Variants in EVC2 observed in about 807,000 individuals in gnomAD.
EVC2 encodes limbin.
A neutral mutation model predicts 149.3 loss-of-function variants in EVC2; 148 were observed. The ratio of observed to expected loss-of-function variants is 0.99; its 90% CI spans 0.87 to 1.14. The LOEUF is 1.14. EVC2 is among the 50% of genes most tolerant of loss of function. The pLI is 0.00. For synonymous variants in EVC2, 776 were observed against 649.9 expected, an observed-to-expected ratio of 1.19 and a Z score of -2.95; for missense variants, 1,854 against 1,627.3, an observed-to-expected ratio of 1.14 and a Z score of -2.40.
rs1307122106 is a variant in EVC2 at position 5,633,400 on chromosome 4, C to T, written c.1471-1368G>A. On this transcript the variant is annotated intron_variant, in intron 10 of 21. Coordinates refer to ENST00000344408, the MANE Select transcript of EVC2 (RefSeq NM_147127.5). The surrounding 1 kb of genome is among the most constrained non-coding windows in gnomAD (Gnocchi z 4.4). ...TCACTAATGTGTGTGGTTGCTTAGG[C>T]AGGAATAGAAAACTGACACCCTCCG... 6.6e-6 allele frequency among the ~76,000 whole-genome samples: 1 copy of T among 152,172 alleles called. No individual in the cohort carries two copies. The highest frequency in any genetic ancestry group is 6.5e-5 in the Admixed American group (1 of 15,272).
intron 9 of EVC2, among the ~76,000 whole-genome samples, chr4:5,648,975 T>C (rs1717918937): frequency 6.6e-6 from 1 of 152,240 alleles, no homozygotes; most frequent in South Asian, 2.1e-4. Context: ...TCAGGTCCAC[T>C]GGTGAAGACT....
intron 9 of EVC2, among the ~76,000 whole-genome samples, chr4:5,652,018 T>C (rs1718178396): frequency 6.6e-6 from 1 of 152,036 alleles, no homozygotes; most frequent in African/African-American, 2.4e-5. Flanking sequence ...CAGGCCATGG[T>C]GGGGATTTGA....
chr4:5,604,041 G>A (rs1714197315), intron 16 of EVC2, among the ~76,000 whole-genome samples: 1 of 152,170 alleles, frequency 6.6e-6, no homozygotes, highest in African/African-American at 2.4e-5. Context: ...CCTTGGATAA[G>A]CCTCTCACTC....
chr4:5,544,956 C>T lies in EVC2; in HGVS notation c.3420-1744G>A, dbSNP rs572981584. On this transcript the variant is annotated intron_variant and NMD_transcript_variant, in intron 21 of 22. Transcript: ENST00000475313. ...CAGTAAAATCCCTACAGCACTGGCA[C>T]TGCACCTCAAGCCTGAGCACATGCT... 1.3e-4 allele frequency among the ~76,000 whole-genome samples: 20 copies of T among 152,358 alleles called. No individual in the cohort carries two copies. The South Asian group carries it at 4.1e-3, about 32-fold the overall frequency.
intron 21 of EVC2, among the ~76,000 whole-genome samples, chr4:5,550,901 C>T (rs1721723638): frequency 6.6e-6 from 1 of 152,260 alleles, no homozygotes; most frequent in Admixed American, 6.5e-5. Flanking sequence ...GCTGTGGCTT[C>T]AGAGGATGCA....
chr4:5,691,452 T>C (rs1479250765), intron 3 of EVC2, 119 bp from the exon 4 acceptor site: 2 of 752,840 alleles, frequency 2.7e-6, no homozygotes, highest in Non-Finnish European at 4.5e-6. Context: ...CTACTAATCC[T>C]TAAGTAATCT....
intron 17 of EVC2, among the ~76,000 whole-genome samples, chr4:5,582,890 T>C (rs1711928731): frequency 6.6e-6 from 1 of 152,204 alleles, no homozygotes; most frequent in South Asian, 2.1e-4. Context: ...CCTCCTGCTC[T>C]GGCTATGTAA....
Position 5,663,153 on chromosome 4 carries a change from TGTCTATCATTTG to T in EVC2, c.1087_1098del (p.Gln363_Asp366del), listed in dbSNP as rs1553846622. On this transcript the variant is annotated inframe_deletion, in exon 9 of 22. Coordinates refer to ENST00000344408, the MANE Select transcript of EVC2 (RefSeq NM_147127.5). The stretch of plus-strand genomic sequence containing the variant: ...CTCCCAGGGTCCTCGGAAGACAGAA[TGTCTATCATTTG>T]GTCGTTAAGGGAAAGGTCCTCATTC... The T allele has an allele frequency of 6.2e-7, 1 of 1,614,224 alleles. No individual in the cohort carries two copies. Among genetic ancestry groups the T allele is most frequent in the East Asian group, 2.2e-5 (1 of 44,888 alleles).
At chr4:5,704,869 C>CTATATATATATA (rs145021587) in intron 1 of EVC2, among the ~76,000 whole-genome samples, 13 of 149,928 alleles carry the variant, frequency 8.7e-5, no homozygotes, top group East Asian at 2.0e-4. Context: ...TCACACACAG[C>CTATATATATATA]TATATATATA....
At chr4:5,568,065 A>T (rs1560126255) in intron 20 of EVC2, among the ~76,000 whole-genome samples, 1 of 152,176 alleles carries the variant, frequency 6.6e-6, no homozygotes, top group East Asian at 1.9e-4. Flanking sequence ...ACACTCACAC[A>T]TTTACATACC....
chr4:5,649,661 A>G (rs1717970465), intron 9 of EVC2, among the ~76,000 whole-genome samples: 1 of 152,228 alleles, frequency 6.6e-6, no homozygotes, highest in Non-Finnish European at 1.5e-5. Context: ...TAATTAATTC[A>G]GAAGGAAAAT....
At chr4:5,623,018 TG>T in intron 13 of EVC2, 27 bp from the exon 14 acceptor site, 1 of 1,610,556 alleles carries the variant, frequency 6.2e-7, no homozygotes, top group Non-Finnish European at 8.5e-7. Flanking sequence ...GAAAATTAAG[TG>T]GGGGTGGGGC....
chr4:5,646,183 G>A (rs113152718), intron 9 of EVC2, among the ~76,000 whole-genome samples: 8 of 152,002 alleles, frequency 5.3e-5, no homozygotes, highest in Admixed American at 6.6e-5. Context: ...CACCTCCCTC[G>A]GTCTCCCAAG....
intron 9 of EVC2, among the ~76,000 whole-genome samples, chr4:5,646,929 C>G (rs75179226): frequency 0.038 from 5,822 of 152,298 alleles, 389 homozygotes; most frequent in African/African-American, 0.13. Context: ...TACTTTGTAC[C>G]TCCCTGAGGA....
rs985327567 is a variant in EVC2 at position 5,636,332 on chromosome 4, T to C, written c.1470+4182A>G. ...TTATAGTATGAACAAATTTCAGCTC[T>C]ACATTAATTACAGTCAGCTCTCTGT... On this transcript the variant is annotated intron_variant, in intron 10 of 21. Transcript: ENST00000344408. The surrounding 1 kb of genome is among the most constrained non-coding windows in gnomAD (Gnocchi z 4.6). Among the ~76,000 whole-genome samples, 4 of 152,220 alleles carry C rather than the reference T, an allele frequency of 2.6e-5. No homozygotes were observed. The highest frequency in any genetic ancestry group is 9.7e-5 in the African/African-American group (4 of 41,450).
At chr4:5,619,987 T>C (rs1225308905) in intron 14 of EVC2, among the ~76,000 whole-genome samples, 1 of 152,208 alleles carries the variant, frequency 6.6e-6, no homozygotes, top group East Asian at 1.9e-4. Context: ...AGGTTTACCA[T>C]ACCCAGATCT....
chr4:5,637,111 T>C lies in EVC2; in HGVS notation c.1470+3403A>G, dbSNP rs902118330. ...TGGAGAGAGCAGGGTCAGGAAGCCC[T>C]GAGGAGGAGAGGGACTGCGTGACAG... is the stretch of plus-strand genomic sequence containing the variant. On this transcript the variant is annotated intron_variant, in intron 10 of 21. Coordinates refer to ENST00000344408, the MANE Select transcript of EVC2 (RefSeq NM_147127.5). This position sits in a 1 kb window ranked among gnomAD's most constrained non-coding sequence, Gnocchi z 4.4. Among the ~76,000 whole-genome samples the C allele has an allele frequency of 6.6e-6, 1 of 152,090 alleles. No individual in the cohort carries two copies. Among genetic ancestry groups the C allele is most frequent in the African/African-American group, 2.4e-5 (1 of 41,400 alleles).
intron 16 of EVC2, among the ~76,000 whole-genome samples, chr4:5,596,330 C>T (rs1341313480): frequency 1.3e-5 from 2 of 152,156 alleles, no homozygotes; most frequent in Non-Finnish European, 2.9e-5. Context: ...TAAAGCTCTC[C>T]TCAGCAAATA....
chr4:5,580,135 T>G (rs1186353694), intron 17 of EVC2, among the ~76,000 whole-genome samples: 1 of 152,232 alleles, frequency 6.6e-6, no homozygotes, highest in Admixed American at 6.5e-5. Flanking sequence ...ATTTCATGCT[T>G]TTTTAATTCT....
Sources: gnomAD v4.1 joint callset for allele counts (sites outside exome capture counted in the v4.1 genomes callset) on GRCh38, gnomAD v4.1.1 for gene constraint, Gnocchi (gnomAD v3.1) non-coding constraint, MANE v1.5 for transcripts, NCBI Gene and HGNC (gene_info 2026-07-23, HGNC 2026-07-21) for gene names.